CARMIL1: variants seen among roughly 807,000 people sequenced by gnomAD.
The protein encoded by CARMIL1 is capping protein regulator and myosin 1 linker 1, also known as F-actin-uncapping protein LRRC16A.
In CARMIL1, 90 loss-of-function variants were observed where a neutral mutation model predicts 177.1. The observed-to-expected ratio is 0.51, with a 90% CI of 0.43 to 0.61. The LOEUF is 0.61. Among genes scored for constraint, CARMIL1 ranks in the 20% least tolerant of loss-of-function variants. CARMIL1 has a pLI of 0.00. For missense variants in CARMIL1, 1,380 were observed against 1,667.0 expected (o/e 0.83, Z 3.00); for synonymous variants, 577 against 606.2 (o/e 0.95, Z 0.71).
At chr6:25,505,545 G>A (rs192351211) in intron 17 of CARMIL1, among the ~76,000 whole-genome samples, 17 of 152,080 alleles carry the variant, frequency 1.1e-4, no homozygotes, top group East Asian at 5.8e-4. Flanking sequence ...CTGCACCTCC[G>A]GGATTCAAGC....
chr6:25,300,532 C>T (rs1782774817), intron 2 of CARMIL1, among the ~76,000 whole-genome samples: 1 of 149,492 alleles, frequency 6.7e-6, no homozygotes, highest in African/African-American at 2.4e-5. Context: ...ACTTGTAATC[C>T]CAGCTATTTG....
At chr6:25,366,519 C>T (rs1409786425) in intron 2 of CARMIL1, among the ~76,000 whole-genome samples, 1 of 151,110 alleles carries the variant, frequency 6.6e-6, no homozygotes, top group Non-Finnish European at 1.5e-5. Context: ...CCTATGTCTT[C>T]GTTATGTATC....
intron 17 of CARMIL1, among the ~76,000 whole-genome samples, chr6:25,506,867 T>G (rs1804966321): frequency 6.6e-6 from 1 of 152,148 alleles, no homozygotes; most frequent in Admixed American, 6.6e-5. Flanking sequence ...TTATTAAAAG[T>G]TCCTTCTTGA....
chr6:25,452,606 C>G (rs1454563066), intron 8 of CARMIL1: 1 of 157,856 alleles, frequency 6.3e-6, no homozygotes, highest in East Asian at 1.8e-4. Context: ...AACATAGGTA[C>G]TGTTTTTATG....
chr6:25,377,180 G>C (rs1791073142), intron 2 of CARMIL1, among the ~76,000 whole-genome samples: 1 of 152,210 alleles, frequency 6.6e-6, no homozygotes, highest in Non-Finnish European at 1.5e-5. Context: ...GGAAGCCTCA[G>C]CTATGTCGAT....
chr6:25,592,073 A>G (rs990679422), intron 31 of CARMIL1, among the ~76,000 whole-genome samples: 7 of 152,082 alleles, frequency 4.6e-5, no homozygotes, highest in Non-Finnish European at 8.8e-5. Flanking sequence ...TTTCAAAATG[A>G]AAAGAGGAAT....
At chr6:25,396,466 A>C (rs761263481) in intron 2 of CARMIL1, among the ~76,000 whole-genome samples, 1 of 147,812 alleles carries the variant, frequency 6.8e-6, no homozygotes, top group Non-Finnish European at 1.5e-5. Context: ...GGTTCAAGCG[A>C]TTCTCCTGTC....
At chr6:25,416,028 G>A (rs1795329892) in intron 2 of CARMIL1, among the ~76,000 whole-genome samples, 2 of 151,920 alleles carry the variant, frequency 1.3e-5, no homozygotes, top group African/African-American at 4.8e-5. Flanking sequence ...TAGACTGAGA[G>A]GTACATACGT....
chr6:25,310,004 A>G (rs6914654), intron 2 of CARMIL1, among the ~76,000 whole-genome samples: 31,563 of 151,734 alleles, frequency 0.21, 4,233 homozygotes, highest in East Asian at 0.4. Context: ...TCCTGACCTC[A>G]TGATCCACCC....
At chr6:25,287,388 T>A (rs907755421) in intron 2 of CARMIL1, 7 of 152,262 alleles carry the variant, frequency 4.6e-5, no homozygotes, top group Non-Finnish European at 1.0e-4. Context: ...CTTATCTTCA[T>A]CTTCCTATAA....
At chr6:25,478,624 G>A (rs879415149) in intron 11 of CARMIL1, among the ~76,000 whole-genome samples, 5 of 151,992 alleles carry the variant, frequency 3.3e-5, no homozygotes, top group Non-Finnish European at 7.4e-5. Context: ...GTGAAACCCC[G>A]TCTTTACTAA....
chr6:25,422,915 T>A lies in CARMIL1; in HGVS notation c.189+2751T>A, dbSNP rs140435711. The stretch of plus-strand genomic sequence containing the variant: ...GCTTGGCTCCGTCCTGTGATGTATA[T>A]AATGTTTCACAGCCAGCCTGGCCAG... On this transcript the variant is annotated intron_variant, in intron 3 of 36. Transcript: ENST00000329474. 3.3e-5 allele frequency among the ~76,000 whole-genome samples: 5 copies of A among 152,288 alleles called. No homozygotes were observed. The East Asian group carries it at 9.7e-4, about 29-fold the overall frequency.
chr6:25,436,500 C>A (rs1488382954), intron 5 of CARMIL1, among the ~76,000 whole-genome samples: 1 of 152,184 alleles, frequency 6.6e-6, no homozygotes, highest in Non-Finnish European at 1.5e-5. Flanking sequence ...GCTCCTCCTG[C>A]AATGCCTTGC....
chr6:25,373,395 T>C lies in CARMIL1; in HGVS notation c.139-46719T>C, dbSNP rs997165334. Among the ~76,000 whole-genome samples the C allele has an allele frequency of 9.2e-4, 136 of 147,898 alleles. 1 individual carries two copies. The highest frequency in any genetic ancestry group is 1.7e-3 in the Admixed American group (25 of 14,854). On this transcript the variant is annotated intron_variant, in intron 2 of 36. Coordinates refer to ENST00000329474, the MANE Select transcript of CARMIL1 (RefSeq NM_017640.6). ...TGTGAATCTATCTGGCCTTCGGCTTTTTTTTTTTTTTTTTGGTCTGTTCAG... is the reference window on the plus strand; with the variant it reads ...TGTGAATCTATCTGGCCTTCGGCTTCTTTTTTTTTTTTTTGGTCTGTTCAG...
intron 20 of CARMIL1, among the ~76,000 whole-genome samples, chr6:25,512,619 G>C (rs2151054233): frequency 6.6e-6 from 1 of 151,990 alleles, no homozygotes; most frequent in East Asian, 1.9e-4. Flanking sequence ...TTTACATTCT[G>C]ACCTGGTGTT....
intron 2 of CARMIL1, among the ~76,000 whole-genome samples, chr6:25,303,125 CTTTTTTT>C (rs57430643): frequency 3.5e-5 from 5 of 144,156 alleles, no homozygotes; most frequent in Non-Finnish European, 6.1e-5. Context: ...TAGGCATCTC[CTTTTTTT>C]TTTTTTCCAT....
rs935532670 is a variant in CARMIL1 at position 25,550,858 on chromosome 6, C to T, written c.2329-52C>T. On this transcript the variant is annotated intron_variant, in intron 26 of 36. Coordinates refer to ENST00000329474, the MANE Select transcript of CARMIL1 (RefSeq NM_017640.6). ...AACCACCTTTCAGTTTTATGGCGGGCACCTCGGGTGCAGTGTCATCATCTC... is the reference window on the plus strand; with the variant it reads ...AACCACCTTTCAGTTTTATGGCGGGTACCTCGGGTGCAGTGTCATCATCTC... The T allele has an allele frequency of 1.0e-5, 15 of 1,498,758 alleles. No homozygotes were observed. In the Admixed American group the frequency reaches 1.3e-4, roughly 13 times the overall value. The allele number at this position is 1,498,758 out of a possible 1,614,324, so 92.8% of individuals were successfully genotyped here.
chr6:25,479,332 T>C, intron 11 of CARMIL1: 1 of 462,714 alleles, frequency 2.2e-6, no homozygotes, highest in Non-Finnish European at 4.2e-6. Context: ...ATAATAGATT[T>C]GTTTCCTTGA....
chr6:25,569,515 T>G (rs1286469290), intron 29 of CARMIL1, among the ~76,000 whole-genome samples: 1 of 152,190 alleles, frequency 6.6e-6, no homozygotes, highest in Non-Finnish European at 1.5e-5. Context: ...GGCCCCAAAA[T>G]CACCCTCCAC....
Sources: gnomAD v4.1 joint callset for allele counts (sites outside exome capture counted in the v4.1 genomes callset) on GRCh38, gnomAD v4.1.1 for gene constraint, MANE v1.5 for transcripts, NCBI Gene and HGNC (gene_info 2026-07-23, HGNC 2026-07-21) for gene names.